Variants in KIF7 observed in about 807,000 individuals in gnomAD.
The protein encoded by KIF7 is kinesin family member 7, also known as kinesin-like protein KIF7.
In KIF7, 104 loss-of-function variants were observed where a neutral mutation model predicts 135.7. That is an observed-to-expected ratio of 0.77 (90% confidence interval 0.65 to 0.90). The LOEUF is 0.90. Ranked by LOEUF, KIF7 falls within the 40% of genes least tolerant of loss-of-function variation. The pLI is 0.00. For synonymous variants in KIF7, 883 were observed against 809.4 expected (o/e 1.09, Z -1.54); for missense variants, 2,005 against 1,839.1 (o/e 1.09, Z -1.65).
intron 10 of KIF7, among the ~76,000 whole-genome samples, chr15:89,644,445 CG>C (rs1963974481): frequency 6.6e-6 from 1 of 151,514 alleles, no homozygotes; most frequent in Non-Finnish European, 1.5e-5. Context: ...GACACTGAGG[CG>C]GGTGGATCAC....
downstream of KIF7, chr15:89,625,687 C>T (rs1963509496): frequency 1.9e-6 from 3 of 1,613,708 alleles, no homozygotes; most frequent in Admixed American, 3.3e-5. Context: ...GATCTGTGAC[C>T]TGAGAGAAGA....
chr15:89,633,102 C>T, intron 13 of KIF7, 39 bp downstream of exon 13: 1 of 1,601,100 alleles, frequency 6.2e-7, no homozygotes, highest in South Asian at 1.1e-5. Flanking sequence ...CCAGCCAGCC[C>T]CCAGGGGAGC....
chr15:89,652,794 CG>C lies in KIF7; in HGVS notation c.136del (p.Arg46AlafsTer136). The C allele has an allele frequency of 6.4e-7, 1 of 1,551,270 alleles. No individual in the cohort carries two copies. The highest frequency in any genetic ancestry group is 8.7e-7 in the Non-Finnish European group (1 of 1,146,934). On this transcript the variant is annotated frameshift_variant, in exon 2 of 19. Transcript: ENST00000394412. LOFTEE classifies it high-confidence loss of function. ...GTGTCGGTCACGGCCCAGAGTGACG[CG>C]GCCAAGCCCTGGCTCCACCTGCAGG... ...SCLQVEPGLGRVTLGRDRHFG... is the reference protein window; with the variant it reads ...SCLQVEPGLGXVTLGRDRHFG...
In KIF7 at chr15:89,630,364, C is replaced by A; in HGVS notation, c.3241G>T (p.Glu1081Ter). The change falls in exon 16 of 19, where the codon GAG (glutamate) becomes TAG (stop). Residue 1081 changes from glutamate to a stop codon, truncating the protein, a stop_gained. Transcript: ENST00000394412. LOFTEE classifies it high-confidence loss of function. Reference protein sequence around the residue: ...RASASLLSQCEMNLMAKLSYL... With the variant: ...RASASLLSQC ...CTGAGCTTGGCCATGAGGTTCATCT[C>A]GCACTGGGACAGCAACGAGGCTGAG... The A allele has an allele frequency of 6.2e-7, 1 of 1,614,176 alleles. No homozygotes were observed. Among genetic ancestry groups the A allele is most frequent in the South Asian group, 1.1e-5 (1 of 91,066 alleles).
intron 2 of KIF7, chr15:89,617,972 G>GT (rs1596056555): frequency 1.4e-6 from 1 of 693,306 alleles, no homozygotes; most frequent in East Asian, 2.5e-5. Context: ...GATTACAGGC[G>GT]TGAGACACTG....
At chr15:89,635,613 G>A (rs1238898045) in intron 11 of KIF7, among the ~76,000 whole-genome samples, 5 of 152,140 alleles carry the variant, frequency 3.3e-5, no homozygotes, top group Non-Finnish European at 5.9e-5. Flanking sequence ...GAAGCGAGAA[G>A]GGAAGTTTAG....
chr15:89,639,218 G>A (rs1963870819), intron 11 of KIF7, among the ~76,000 whole-genome samples: 1 of 152,184 alleles, frequency 6.6e-6, no homozygotes, highest in Non-Finnish European at 1.5e-5. Flanking sequence ...TACCATTTAG[G>A]ACATAGGCAT....
chr15:89,642,121 G>T (rs575995092), intron 11 of KIF7, 82 bp downstream of exon 11: 2 of 1,422,112 alleles, frequency 1.4e-6, no homozygotes, highest in East Asian at 4.6e-5. Flanking sequence ...GGGCCTCAGA[G>T]CCCACATGTC....
Position 89,628,541 on chromosome 15 carries a change from C to T in KIF7, c.3910G>A (p.Gly1304Arg). 6.2e-7 allele frequency: 1 copy of T among 1,613,300 alleles called. No homozygotes were observed. The highest frequency in any genetic ancestry group is 1.1e-5 in the South Asian group (1 of 91,082). Residue 1304 changes from glycine to arginine, a missense_variant, in exon 19 of 19, where the codon GGG (glycine) becomes AGG (arginine). Physicochemically the swap from Gly to Arg is moderately radical, Grantham distance 125. Coordinates refer to ENST00000394412, the MANE Select transcript of KIF7 (RefSeq NM_198525.3). ...GCCTCACCCACAGGAAGCACCCGCC[C>T]CACCAGGGGCTCAGCCGCCTCCCGC... is the stretch of plus-strand genomic sequence containing the variant. ...RQREAAEPLVGRVLPVGEAGL... is the reference protein window; with the variant it reads ...RQREAAEPLVRRVLPVGEAGL...
rs770614646 is a variant in KIF7 at position 89,652,684 on chromosome 15, A to C, written c.247T>G (p.Phe83Val). Residue 83 changes from phenylalanine to valine, a missense_variant, in exon 2 of 19, where the codon TTC becomes GTC. Phe to Val is a conservative substitution (Grantham distance 50). Transcript: ENST00000394412. ...AAGACAGTGGCATTGAAGCCCTCGA[A>C]GAAGGCCTCAAGGAGGGGCTGAACG... Reference protein sequence around the residue: ...ACVQPLLEAFFEGFNATVFAY... With the variant: ...ACVQPLLEAFVEGFNATVFAY... The C allele has an allele frequency of 1.7e-5, 27 of 1,551,268 alleles. No homozygotes were observed. Among genetic ancestry groups the C allele is most frequent in the Admixed American group, 3.9e-5 (2 of 50,986 alleles).
Position 89,633,013 on chromosome 15 carries a change from A to AGGGAGGGAGGGG in KIF7, c.2719-18_2719-17insCCCCTCCCTCCC. 1.4e-6 allele frequency: 1 copy of AGGGAGGGAGGGG among 693,748 alleles called. No homozygotes were observed. The highest frequency in any genetic ancestry group is 2.4e-5 in the African/African-American group (1 of 42,108). 43.0% of individuals were successfully genotyped at this position (693,748 alleles called of 1,614,324 possible). On this transcript the variant is annotated splice_polypyrimidine_tract_variant and intron_variant, in intron 13 of 18. Coordinates refer to ENST00000394412, the MANE Select transcript of KIF7 (RefSeq NM_198525.3). ...CTCAATCTTCTAAGGAAAAGTAGGG[A>AGGGAGGGAGGGG]GGGAGGGAGGGAACTCAGGGCCCAC...
chr15:89,631,522 C>T lies in KIF7; in HGVS notation c.3084G>A (p.Leu1028=). 1 of 1,582,010 alleles carries T rather than the reference C, an allele frequency of 6.3e-7. No individual in the cohort carries two copies. Among genetic ancestry groups the T allele is most frequent in the Non-Finnish European group, 8.6e-7 (1 of 1,163,502 alleles). The change falls in exon 15 of 19, where the codon CTG becomes CTA. Residue 1028 remains leucine (L), a synonymous_variant. Coordinates refer to ENST00000394412, the MANE Select transcript of KIF7 (RefSeq NM_198525.3). ...CGGGGGACAGCAGACTCCCCTGCCTCAGCTTGCCGTCGATCTCCAGGCGCT... is the reference window on the plus strand; with the variant it reads ...CGGGGGACAGCAGACTCCCCTGCCTTAGCTTGCCGTCGATCTCCAGGCGCT... ...LKQRLEIDGK[L]RQGSLLSPEE...
downstream of KIF7, chr15:89,627,123 A>G: frequency 1.2e-6 from 2 of 1,612,230 alleles, no homozygotes; most frequent in Middle Eastern, 1.9e-4. Flanking sequence ...TCAAGGAGTC[A>G]GCCAGGACCC....
At chr15:89,643,775 C>T (rs1238983258) in intron 10 of KIF7, among the ~76,000 whole-genome samples, 2 of 151,754 alleles carry the variant, frequency 1.3e-5, no homozygotes, top group East Asian at 1.9e-4. Flanking sequence ...GTCCCAGCTA[C>T]TCGAGAGGCT....
At chr15:89,630,240 C>T in intron 16 of KIF7, 47 bp downstream of exon 16, 1 of 1,556,618 alleles carries the variant, frequency 6.4e-7, no homozygotes, top group Non-Finnish European at 8.9e-7. Context: ...CACCTCCCCA[C>T]ACGTGCCGCT....
intron 2 of KIF7, 72 bp downstream of exon 2, chr15:89,652,531 G>T (rs1964139375): frequency 1.9e-5 from 22 of 1,179,432 alleles, no homozygotes; most frequent in Non-Finnish European, 2.5e-5. Context: ...GCAGCAAGAG[G>T]ACAAGGCAGA....
At chr15:89,659,398 C>G (rs1446498151), upstream of KIF7, among the ~76,000 whole-genome samples, 5 of 144,528 alleles carry the variant, frequency 3.5e-5, no homozygotes, top group Admixed American at 3.6e-4. Flanking sequence ...AAGACCCTGT[C>G]TCAAAAAGAA....
downstream of KIF7, chr15:89,626,055 C>T: frequency 6.2e-7 from 1 of 1,613,792 alleles, no homozygotes; most frequent in South Asian, 1.1e-5. Flanking sequence ...GAGCAAAGAC[C>T]CCAGAGGTAA....
At chr15:89,625,534 G>A, downstream of KIF7, 2 of 1,613,616 alleles carry the variant, frequency 1.2e-6, no homozygotes, top group Non-Finnish European at 1.7e-6. Context: ...TGAGCTCGAG[G>A]GAGTGTGCCA....
Sources: gnomAD v4.1 joint callset for allele counts (sites outside exome capture counted in the v4.1 genomes callset) on GRCh38, gnomAD v4.1.1 for gene constraint, MANE v1.5 for transcripts, NCBI Gene and HGNC (gene_info 2026-07-23, HGNC 2026-07-21) for gene names.